TPRX1: variants seen among roughly 807,000 people sequenced by gnomAD.
TPRX1 encodes tetrapeptide repeat homeobox 1.
TPRX1 carries 2 observed loss-of-function variants against 8.1 expected under a neutral mutation model. The observed-to-expected ratio is 0.25, with a 90% CI of 0.10 to 0.78. The LOEUF (loss-of-function observed/expected upper bound fraction) is 0.78, where lower values mean the gene tolerates loss of function less well. Ranked by LOEUF, TPRX1 falls within the 30% of genes least tolerant of loss-of-function variation. TPRX1 has a pLI of 0.70. For synonymous variants in TPRX1, 257 were observed against 254.1 expected (o/e 1.01, Z -0.11); for missense variants, 517 against 586.9 (o/e 0.88, Z 1.23).
At chr19:47,815,167 T>A (rs1360471767) in intron 2 of TPRX1, among the ~76,000 whole-genome samples, 68 of 104,990 alleles carry the variant, frequency 6.5e-4, no homozygotes, top group African/African-American at 1.8e-3. Flanking sequence ...TATATATTTT[T>A]TTTTTTTGAG....
chr19:47,815,153 TATATATA>T (rs1967826506), intron 2 of TPRX1, among the ~76,000 whole-genome samples: 4 of 84,856 alleles, frequency 4.7e-5, no homozygotes, highest in African/African-American at 1.5e-4. Context: ...TGCAAATATA[TATATATA>T]TATTTTTTTT....
At chr19:47,812,922 A>G (rs1480433022) in intron 2 of TPRX1, among the ~76,000 whole-genome samples, 1 of 151,732 alleles carries the variant, frequency 6.6e-6, no homozygotes, top group Non-Finnish European at 1.5e-5. Flanking sequence ...TCTGGCCAAC[A>G]TGGTGAAACC....
exon 4 of TPRX1, chr19:47,802,174 G>T (rs545591946): frequency 1.9e-6 from 3 of 1,605,880 alleles, no homozygotes; most frequent in African/African-American, 2.7e-5. Flanking sequence ...CTTGGAGTCT[G>T]CCTGGGCCTG....
chr19:47,813,716 CAGA>C (rs138466802), intron 2 of TPRX1, among the ~76,000 whole-genome samples: 15,452 of 151,806 alleles, frequency 0.1, 870 homozygotes, highest in African/African-American at 0.13. Context: ...GTCTGACAAG[CAGA>C]AGGAGTTTTC....
At chr19:47,817,530 G>A (rs571380231) in intron 2 of TPRX1, among the ~76,000 whole-genome samples, 4 of 152,314 alleles carry the variant, frequency 2.6e-5, no homozygotes, top group South Asian at 4.1e-4. Flanking sequence ...CTGAGGCTGA[G>A]AGAGGTTTCG....
intron 2 of TPRX1, among the ~76,000 whole-genome samples, chr19:47,817,140 C>T (rs1394059350): frequency 6.6e-6 from 1 of 152,198 alleles, no homozygotes; most frequent in Non-Finnish European, 1.5e-5. Context: ...TGCTCACAGC[C>T]ACCTTGTGGT....
intron 2 of TPRX1, among the ~76,000 whole-genome samples, chr19:47,809,748 C>A (rs546879290): frequency 6.6e-6 from 1 of 152,056 alleles, no homozygotes; most frequent in African/African-American, 2.4e-5. Context: ...CCCTAGGACT[C>A]GTCAACACCC....
rs536176330 is a variant in TPRX1 at position 47,816,824 on chromosome 19, G to A, written c.151+1644C>T. On this transcript the variant is annotated intron_variant, in intron 2 of 3. Coordinates refer to ENST00000535759, the Ensembl canonical transcript of TPRX1. Reference sequence around the variant, plus strand: ...TGGGATTACAGGCGTGAGCCACCACGCCCAGCCCACTGTGAGCTTTTCTTT... The same window carrying A: ...TGGGATTACAGGCGTGAGCCACCACACCCAGCCCACTGTGAGCTTTTCTTT... 3.8e-4 allele frequency among the ~76,000 whole-genome samples: 58 copies of A among 152,258 alleles called. 1 individual carries two copies. Among genetic ancestry groups the A allele is most frequent in the African/African-American group, 4.8e-4 (20 of 41,554 alleles).
chr19:47,816,090 G>T (rs1054394449), intron 2 of TPRX1, among the ~76,000 whole-genome samples: 1 of 151,862 alleles, frequency 6.6e-6, no homozygotes, highest in Non-Finnish European at 1.5e-5. Flanking sequence ...TTTGAGACAG[G>T]ATCTTGCTCT....
At chr19:47,810,399 A>G (rs1371734417) in intron 2 of TPRX1, among the ~76,000 whole-genome samples, 1 of 104,530 alleles carries the variant, frequency 9.6e-6, no homozygotes, top group African/African-American at 3.8e-5. Flanking sequence ...CCCAGGCTGG[A>G]GTGCAGTGGC....
chr19:47,815,828 A>G (rs999680308), intron 2 of TPRX1, among the ~76,000 whole-genome samples: 1 of 151,904 alleles, frequency 6.6e-6, no homozygotes, highest in Non-Finnish European at 1.5e-5. Flanking sequence ...AAAATGTAAA[A>G]GAAATAATTT....
In TPRX1 at chr19:47,818,339, ATCAT is replaced by A. The variant is rs1300430433; in HGVS notation, c.151+125_151+128del. The A allele has an allele frequency of 1.6e-5, 4 of 256,782 alleles. No homozygotes were observed. In the African/African-American group the frequency reaches 2.4e-4, roughly 16 times the overall value. The allele number at this position is 256,782 out of a possible 1,614,324, so 15.9% of individuals were successfully genotyped here. A position where few individuals can be genotyped will look rare whatever the true frequency, so the allele number is the denominator to read the frequency against. On this transcript the variant is annotated intron_variant, in intron 2 of 3. Coordinates refer to ENST00000535759, the Ensembl canonical transcript of TPRX1. ...CATCCATCCATCCATCCATCCATCCATCATCCATCCATCCATCCATCCATCCATC... is the reference window on the plus strand; with the variant it reads ...CATCCATCCATCCATCCATCCATCCACCATCCATCCATCCATCCATCCATC...
intron 2 of TPRX1, among the ~76,000 whole-genome samples, chr19:47,806,153 C>T (rs1278220480): frequency 2.6e-5 from 4 of 152,000 alleles, no homozygotes; most frequent in Admixed American, 1.3e-4. Context: ...ACCCGGGAGG[C>T]GGAGGCTACA....
At chr19:47,803,285 G>A (rs1419637377) in intron 3 of TPRX1, among the ~76,000 whole-genome samples, 1 of 151,776 alleles carries the variant, frequency 6.6e-6, no homozygotes, top group Non-Finnish European at 1.5e-5. Flanking sequence ...TCCGGGCACC[G>A]GGAGACCCCG....
intron 2 of TPRX1, among the ~76,000 whole-genome samples, chr19:47,817,686 T>C (rs565108209): frequency 1.3e-5 from 2 of 151,486 alleles, no homozygotes; most frequent in African/African-American, 4.8e-5. Flanking sequence ...CCTGCTCCCA[T>C]GGGATTCCCA....
chr19:47,803,048 G>A, intron 3 of TPRX1, 68 bp from the exon 3 acceptor site: 1 of 1,469,710 alleles, frequency 6.8e-7, no homozygotes, highest in Non-Finnish European at 9.0e-7. Context: ...AGCCTTTTGG[G>A]GTCGGGGCCA....
chr19:47,807,846 G>T (rs1967748242), intron 2 of TPRX1, among the ~76,000 whole-genome samples: 1 of 151,948 alleles, frequency 6.6e-6, no homozygotes, highest in African/African-American at 2.4e-5. Flanking sequence ...TGAAGTGTAG[G>T]TTGGTAAAAT....
intron 2 of TPRX1, among the ~76,000 whole-genome samples, chr19:47,817,746 C>T (rs1017401510): frequency 1.6e-4 from 24 of 152,220 alleles, no homozygotes; most frequent in Admixed American, 3.3e-4. Context: ...GAGGAGGAAA[C>T]TGAGGCCCAG....
intron 1 of TPRX1, chr19:47,818,660 C>T (rs959943254): frequency 2.4e-6 from 1 of 413,674 alleles, no homozygotes; most frequent in Admixed American, 2.6e-5. Context: ...TGCAGTAGAG[C>T]CTGGAGTGAA....
Sources: allele counts gnomAD v4.1 joint callset (sites outside exome capture counted in the v4.1 genomes callset), GRCh38; gene constraint gnomAD v4.1.1; transcripts MANE v1.5; gene names NCBI Gene and HGNC (gene_info 2026-07-23, HGNC 2026-07-21).